Variants in PTPRD observed in about 807,000 individuals in gnomAD.
The protein encoded by PTPRD is receptor-type tyrosine-protein phosphatase delta.
Under a neutral mutation model 214.5 loss-of-function variants are expected in PTPRD, and 34 were observed. That is an observed-to-expected ratio of 0.16 (90% CI 0.12 to 0.21). PTPRD has a LOEUF of 0.21. PTPRD is among the 10% of genes least tolerant of loss of function. The pLI, the probability that PTPRD is intolerant of heterozygous loss-of-function variation, is 1.00. For synonymous variants in PTPRD, 1,128 were observed against 845.7 expected, an observed-to-expected ratio of 1.33 and a Z score of -5.79; for missense variants, 2,545 against 2,398.7, an observed-to-expected ratio of 1.06 and a Z score of -1.27.
At chr9:8,820,884 C>T (rs1253664772) in intron 11 of PTPRD, among the ~76,000 whole-genome samples, 1 of 152,106 alleles carries the variant, frequency 6.6e-6, no homozygotes, top group Non-Finnish European at 1.5e-5. Context: ...CACGACAAGT[C>T]AAGGAGTCTA....
At chr9:9,838,377 TC>T (rs1290120963) in intron 5 of PTPRD, among the ~76,000 whole-genome samples, 1 of 152,006 alleles carries the variant, frequency 6.6e-6, no homozygotes, top group Non-Finnish European at 1.5e-5. Context: ...TAGTTTACAG[TC>T]CCACCAACAG....
chr9:9,575,749 AAG>A (rs1198075481), intron 7 of PTPRD, among the ~76,000 whole-genome samples: 13 of 135,360 alleles, frequency 9.6e-5, no homozygotes, highest in African/African-American at 2.0e-4. Context: ...AAAAAAAAGA[AAG>A]AAAGAAAAAG....
At chr9:8,672,908 T>C (rs985522038) in intron 12 of PTPRD, among the ~76,000 whole-genome samples, 2 of 152,124 alleles carry the variant, frequency 1.3e-5, no homozygotes, top group African/African-American at 4.8e-5. Context: ...TCAATCTTTC[T>C]GTTTCAATTC....
chr9:10,569,280 T>C (rs142165800), intron 2 of PTPRD, among the ~76,000 whole-genome samples: 35 of 152,088 alleles, frequency 2.3e-4, no homozygotes, highest in Non-Finnish European at 4.4e-4. Context: ...AACAGGTGCA[T>C]TATTGTTTAG....
intron 9 of PTPRD, among the ~76,000 whole-genome samples, chr9:9,224,396 A>C (rs1193345800): frequency 3.3e-5 from 5 of 151,984 alleles, no homozygotes; most frequent in African/African-American, 4.8e-5. Context: ...TTTTCAACAC[A>C]GTTATTCTTA....
At chr9:9,578,390 T>C (rs919536623) in intron 7 of PTPRD, among the ~76,000 whole-genome samples, 45 of 152,190 alleles carry the variant, frequency 3.0e-4, no homozygotes, top group African/African-American at 1.0e-3. Flanking sequence ...ATTCATGAAA[T>C]TGGCATCTTA....
intron 10 of PTPRD, among the ~76,000 whole-genome samples, chr9:9,059,860 C>T (rs1418367476): frequency 6.6e-6 from 1 of 151,400 alleles, no homozygotes; most frequent in Non-Finnish European, 1.5e-5. Flanking sequence ...TGTATAGGAC[C>T]CCTACAAATA....
In PTPRD at chr9:9,278,953, C is replaced by T. The variant is rs77522138; in HGVS notation, c.-202-95590G>A. Among the ~76,000 whole-genome samples the T allele has an allele frequency of 6.9e-4, 105 of 151,284 alleles. No homozygotes were observed. In the East Asian group the frequency reaches 0.01, roughly 15 times the overall value. ...CTTTACTACATCTCTTTTCTCTGCT[C>T]ATTGTTTTTGTGTCACAAAATAAAC... is the stretch of plus-strand genomic sequence containing the variant. On this transcript the variant is annotated intron_variant, in intron 9 of 45. Coordinates refer to ENST00000381196, the MANE Select transcript of PTPRD (RefSeq NM_002839.4).
chr9:8,672,686 T>C (rs985143366), intron 12 of PTPRD, among the ~76,000 whole-genome samples: 1 of 152,162 alleles, frequency 6.6e-6, no homozygotes, highest in Non-Finnish European at 1.5e-5. Context: ...ATAGATGATG[T>C]CACATACTGT....
At chr9:10,185,122 C>T (rs560091115) in intron 3 of PTPRD, among the ~76,000 whole-genome samples, 1 of 152,180 alleles carries the variant, frequency 6.6e-6, no homozygotes, top group South Asian at 2.1e-4. Context: ...ACACTATTAT[C>T]AGAACAGCAT....
At chr9:9,919,214 C>G (rs918466697) in intron 5 of PTPRD, among the ~76,000 whole-genome samples, 1 of 151,888 alleles carries the variant, frequency 6.6e-6, no homozygotes, top group Non-Finnish European at 1.5e-5. Context: ...GATTTAGCAC[C>G]TCTTAAAAAC....
chr9:8,629,769 A>G (rs894699683), intron 14 of PTPRD, among the ~76,000 whole-genome samples: 1 of 151,812 alleles, frequency 6.6e-6, no homozygotes, highest in African/African-American at 2.4e-5. Context: ...CTTGGAAGAC[A>G]TAAGCCCTAC....
intron 8 of PTPRD, among the ~76,000 whole-genome samples, chr9:9,542,358 T>C (rs2077788048): frequency 6.6e-6 from 1 of 151,624 alleles, no homozygotes; most frequent in South Asian, 2.1e-4. Flanking sequence ...TAAGAATATA[T>C]AGGAGAATAT....
chr9:9,259,909 G>T (rs1388425416), intron 9 of PTPRD, among the ~76,000 whole-genome samples: 1 of 151,820 alleles, frequency 6.6e-6, no homozygotes, highest in Non-Finnish European at 1.5e-5. Context: ...TGCGAGGAGG[G>T]TTTAAGGAAA....
chr9:8,946,970 A>G (rs545874638), intron 11 of PTPRD, among the ~76,000 whole-genome samples: 3 of 132,440 alleles, frequency 2.3e-5, no homozygotes, highest in South Asian at 2.4e-4. Flanking sequence ...ATTTCTGCCT[A>G]TCTTTTTTTT....
At chr9:10,467,755 G>T (rs1004166891) in intron 2 of PTPRD, among the ~76,000 whole-genome samples, 1 of 152,038 alleles carries the variant, frequency 6.6e-6, no homozygotes, top group Non-Finnish European at 1.5e-5. Flanking sequence ...AATATAAAAG[G>T]ATAGCTACAT....
intron 5 of PTPRD, among the ~76,000 whole-genome samples, chr9:9,886,621 GT>G (rs2071033291): frequency 6.6e-6 from 1 of 152,142 alleles, no homozygotes; most frequent in Non-Finnish European, 1.5e-5. Context: ...TTGAAAAGAG[GT>G]GTCTATAATC....
intron 3 of PTPRD, among the ~76,000 whole-genome samples, chr9:10,307,114 T>C (rs974733207): frequency 6.6e-6 from 1 of 152,136 alleles, no homozygotes; most frequent in African/African-American, 2.4e-5. Flanking sequence ...AAACATATAA[T>C]GCATTGTTGT....
chr9:9,278,153 C>T (rs1328459528), intron 9 of PTPRD, among the ~76,000 whole-genome samples: 1 of 151,218 alleles, frequency 6.6e-6, no homozygotes, highest in African/African-American at 2.4e-5. Flanking sequence ...CAAGTAGTAA[C>T]CAATATACTA....
Sources: gnomAD v4.1 joint callset for allele counts (sites outside exome capture counted in the v4.1 genomes callset) on GRCh38, gnomAD v4.1.1 for gene constraint, MANE v1.5 for transcripts, NCBI Gene and HGNC (gene_info 2026-07-23, HGNC 2026-07-21) for gene names.